Variants in ZNF615 observed in about 807,000 individuals in gnomAD.
ZNF615 encodes the protein zinc finger protein 615.
A neutral mutation model predicts 15.3 loss-of-function variants in ZNF615; 15 were observed. The observed-to-expected ratio is 0.98, with a 90% CI of 0.66 to 1.51. ZNF615 has a LOEUF of 1.51. Ranked by LOEUF, ZNF615 falls within the 40% of genes most tolerant of loss-of-function variation. The pLI is 0.00. For synonymous variants in ZNF615, 268 were observed against 294.6 expected (o/e 0.91, Z 0.92); for missense variants, 848 against 895.9 (o/e 0.95, Z 0.68).
chr19:51,999,204 A>G (rs1360363492), intron 6 of ZNF615, among the ~76,000 whole-genome samples: 1 of 152,244 alleles, frequency 6.6e-6, no homozygotes, highest in Admixed American at 6.5e-5. Context: ...TGTCGAAAGA[A>G]GTCAAAGACC....
At chr19:51,996,753 G>A (rs932211085) in intron 6 of ZNF615, among the ~76,000 whole-genome samples, 12 of 152,162 alleles carry the variant, frequency 7.9e-5, no homozygotes, top group African/African-American at 2.9e-4. Flanking sequence ...TTGGGAATTC[G>A]TTAAGTCCAC....
chr19:51,995,564 C>CT (rs61537011), intron 6 of ZNF615, among the ~76,000 whole-genome samples: 7,320 of 135,416 alleles, frequency 0.054, 282 homozygotes, highest in Non-Finnish European at 0.08. Flanking sequence ...AAACACCTTC[C>CT]TTTTTTTTTT....
chr19:52,007,092 A>G (rs1395369913), intron 2 of ZNF615, among the ~76,000 whole-genome samples: 1 of 152,210 alleles, frequency 6.6e-6, no homozygotes, highest in Non-Finnish European at 1.5e-5. Flanking sequence ...CATAAACTTA[A>G]TGTGAATGCA....
chr19:51,994,858 C>T (rs2086372390), intron 6 of ZNF615, 21 bp from the exon 7 acceptor site: 1 of 1,558,416 alleles, frequency 6.4e-7, no homozygotes, highest in Admixed American at 2.0e-5. Context: ...AGAGAACAGT[C>T]AATCACTCCA....
At position 51,993,692 on chromosome 19, in the gene ZNF615, G is replaced by A. The variant is rs201137036; in HGVS notation, c.1417C>T (p.Arg473Ter). 3.2e-5 allele frequency: 52 copies of A among 1,612,478 alleles called. No individual in the cohort carries two copies. The highest frequency in any genetic ancestry group is 1.1e-5 in the South Asian group (1 of 90,988). ...GEKPYVCTEC[R>*]KGFTMKSDLI... ...TCACTCTTCATGGTGAAACCTTTTC[G>A]ACATTCGGTGCATACATAGGGTTTC... The change falls in exon 7 of 7, where the codon CGA becomes TGA. Residue 473 changes from arginine to a stop codon, truncating the protein, a stop_gained. Transcript: ENST00000598071. LOFTEE classifies it low-confidence loss of function (END_TRUNC).
chr19:51,998,721 C>G (rs2086511332), intron 6 of ZNF615, among the ~76,000 whole-genome samples: 1 of 152,142 alleles, frequency 6.6e-6, no homozygotes, highest in South Asian at 2.1e-4. Flanking sequence ...GTGGCATGAA[C>G]TTGGCTCATT....
chr19:52,006,834 GA>G (rs1469577474), intron 2 of ZNF615, among the ~76,000 whole-genome samples: 1 of 151,764 alleles, frequency 6.6e-6, no homozygotes, highest in Non-Finnish European at 1.5e-5. Flanking sequence ...TAGGCAGAGA[GA>G]AAAATATTGT....
At chr19:52,004,157 A>G (rs2086683348) in intron 2 of ZNF615, among the ~76,000 whole-genome samples, 2 of 152,172 alleles carry the variant, frequency 1.3e-5, no homozygotes, top group African/African-American at 4.8e-5. Flanking sequence ...AATCGTCACA[A>G]CGTGATGCCC....
At chr19:52,000,770 T>C (rs779151669) in intron 5 of ZNF615, among the ~76,000 whole-genome samples, 1 of 151,886 alleles carries the variant, frequency 6.6e-6, no homozygotes, top group Non-Finnish European at 1.5e-5. Flanking sequence ...CTAGGCAACA[T>C]GACAAAACCC....
intron 6 of ZNF615, among the ~76,000 whole-genome samples, chr19:51,997,231 G>A (rs2086465772): frequency 6.6e-6 from 1 of 152,148 alleles, no homozygotes; most frequent in African/African-American, 2.4e-5. Flanking sequence ...CTTGAGCCCA[G>A]GAGATTGAGG....
chr19:51,998,871 T>A (rs1374094491), intron 6 of ZNF615, among the ~76,000 whole-genome samples: 1 of 152,160 alleles, frequency 6.6e-6, no homozygotes, highest in Non-Finnish European at 1.5e-5. Context: ...GCCAGGCTGG[T>A]CTCGAACTCC....
chr19:51,993,545 G>A lies in ZNF615; in HGVS notation c.1564C>T (p.Pro522Ser), dbSNP rs774974869. ...VHQRTHTGEK[P>S]YVCGECGKGF... ...TTTCCACACTCACCACATACATAGG[G>A]TTTTTCTCCAGTATGAGTTCGCTGA... Residue 522 changes from proline (P) to serine (S), a missense_variant, in exon 7 of 7, where the codon CCC becomes TCC. Pro to Ser is a moderately conservative substitution (Grantham distance 74). Transcript: ENST00000598071. 6.2e-7 allele frequency: 1 copy of A among 1,613,620 alleles called. No homozygotes were observed. Among genetic ancestry groups the A allele is most frequent in the Admixed American group, 1.7e-5 (1 of 59,964 alleles).
intron 5 of ZNF615, 89 bp downstream of exon 5, chr19:52,001,724 C>A: frequency 9.7e-7 from 1 of 1,027,000 alleles, no homozygotes; most frequent in Admixed American, 1.8e-5. Flanking sequence ...GTTGCTGTGT[C>A]CTCAGATGCC....
rs916077395 is a variant in ZNF615 at position 51,993,650 on chromosome 19, G to A, written c.1459C>T (p.Arg487Ter). Reference sequence around the variant, plus strand: ...TATGGCTTCTCTGCAGTATGAGTTCGCTGATGTACAATGAGGTCACTCTTC... The same window carrying A: ...TATGGCTTCTCTGCAGTATGAGTTCACTGATGTACAATGAGGTCACTCTTC... ...TMKSDLIVHQ[R>*]THTAEKPYIC... The change falls in exon 7 of 7, where the codon CGA (arginine) becomes TGA (stop). Residue 487 changes from arginine to a stop codon, truncating the protein, a stop_gained. Transcript: ENST00000598071. LOFTEE classifies it low-confidence loss of function (END_TRUNC). 8.1e-6 allele frequency: 13 copies of A among 1,613,798 alleles called. No individual in the cohort carries two copies. The highest frequency in any genetic ancestry group is 4.5e-5 in the East Asian group (2 of 44,876).
chr19:52,007,367 T>G lies in ZNF615; in HGVS notation c.-227-37A>C, dbSNP rs1341759531. ...TATCCAAGAGGATACGCTGGAAACT[T>G]GCAGGACAAAGGGTAGAAGCCGCAT... On this transcript the variant is annotated intron_variant, in intron 1 of 6. Coordinates refer to ENST00000598071, the MANE Select transcript of ZNF615 (RefSeq NM_001199324.2). The G allele has an allele frequency of 2.4e-6, 3 of 1,254,062 alleles. No homozygotes were observed. The African/African-American group carries it at 4.6e-5, about 19-fold the overall frequency. The allele number at this position is 1,254,062 out of a possible 1,614,324, so 77.7% of individuals were successfully genotyped here.
intron 6 of ZNF615, among the ~76,000 whole-genome samples, chr19:51,998,560 G>A (rs2086506368): frequency 6.6e-6 from 1 of 152,148 alleles, no homozygotes. Flanking sequence ...TTACTTCTAA[G>A]AGAACAAAAG....
chr19:51,999,470 C>A (rs1328993284), intron 6 of ZNF615, among the ~76,000 whole-genome samples: 2 of 152,154 alleles, frequency 1.3e-5, no homozygotes, highest in Non-Finnish European at 2.9e-5. Context: ...TACTATAGAA[C>A]CATAATCATC....
Position 51,992,685 on chromosome 19 carries a change from A to G in ZNF615, c.*195T>C, listed in dbSNP as rs1437308602. The G allele has an allele frequency of 1.5e-6, 1 of 671,932 alleles. No individual in the cohort carries two copies. The highest frequency in any genetic ancestry group is 3.0e-5 in the Admixed American group (1 of 33,090). The allele number at this position is 671,932 out of a possible 1,614,324, so 41.6% of individuals were successfully genotyped here. A position where few individuals can be genotyped will look rare whatever the true frequency, so the allele number is the denominator to read the frequency against. The stretch of plus-strand genomic sequence containing the variant: ...TTTTATAGTCTGCCACATTCATAGG[A>G]TTTTTCTCAGTATACAATTTTTAGA... On this transcript the variant is annotated 3_prime_UTR_variant, in exon 7 of 7. Coordinates refer to ENST00000598071, the MANE Select transcript of ZNF615 (RefSeq NM_001199324.2).
Position 51,992,328 on chromosome 19 carries a change from G to C in ZNF615, c.*552C>G, listed in dbSNP as rs2086254196. The C allele has an allele frequency of 6.5e-6, 1 of 152,860 alleles. No homozygotes were observed. Among genetic ancestry groups the C allele is most frequent in the Non-Finnish European group, 1.5e-5 (1 of 68,494 alleles). 9.5% of individuals were successfully genotyped at this position (152,860 alleles called of 1,614,324 possible). On this transcript the variant is annotated 3_prime_UTR_variant, in exon 7 of 7. Coordinates refer to ENST00000598071, the MANE Select transcript of ZNF615 (RefSeq NM_001199324.2). ...TGAGGCATATTATCTGTTAAGGTTAGAATTGTGACAGAAAGCTCTCATCCA... is the reference window on the plus strand; with the variant it reads ...TGAGGCATATTATCTGTTAAGGTTACAATTGTGACAGAAAGCTCTCATCCA...
Sources: gnomAD v4.1 joint callset for allele counts (sites outside exome capture counted in the v4.1 genomes callset) on GRCh38, gnomAD v4.1.1 for gene constraint, MANE v1.5 for transcripts, NCBI Gene and HGNC (gene_info 2026-07-23, HGNC 2026-07-21) for gene names.